Variants in LHFPL3 observed in about 807,000 individuals in gnomAD.
LHFPL3 encodes LHFPL tetraspan subfamily member 3.
A neutral mutation model predicts 19.3 loss-of-function variants in LHFPL3; 5 were observed. That is an observed-to-expected ratio of 0.26 (90% CI 0.14 to 0.54). The LOEUF is 0.54. Ranked by LOEUF, LHFPL3 falls within the 20% of genes least tolerant of loss-of-function variation. The probability of loss-of-function intolerance (pLI) is 0.94; values close to 1 mark genes in which losing one functional copy is unlikely to be tolerated. For missense variants in LHFPL3, 249 were observed against 307.4 expected, an observed-to-expected ratio of 0.81 and a Z score of 1.42; for synonymous variants, 133 against 126.2, an observed-to-expected ratio of 1.05 and a Z score of -0.36.
intron 2 of LHFPL3, among the ~76,000 whole-genome samples, chr7:104,829,408 C>T (rs1236139502): frequency 2.0e-5 from 3 of 151,508 alleles, no homozygotes; most frequent in African/African-American, 7.3e-5. Context: ...TATACATGTG[C>T]CATGTTGGTG....
At chr7:104,443,249 A>G (rs1436971591) in intron 1 of LHFPL3, among the ~76,000 whole-genome samples, 2 of 152,196 alleles carry the variant, frequency 1.3e-5, no homozygotes, top group Non-Finnish European at 2.9e-5. Context: ...GTGTTATGCA[A>G]TATCAGCATC....
chr7:104,377,631 T>C (rs1174309056), intron 1 of LHFPL3, among the ~76,000 whole-genome samples: 3 of 152,200 alleles, frequency 2.0e-5, no homozygotes, highest in African/African-American at 7.2e-5. Context: ...TACTTGCACC[T>C]GTGAGGAGCT....
chr7:104,426,013 C>T (rs151189118), intron 1 of LHFPL3, among the ~76,000 whole-genome samples: 167 of 152,314 alleles, frequency 1.1e-3, no homozygotes, highest in African/African-American at 3.8e-3. Flanking sequence ...TTGCCTATTC[C>T]TTCTGTTCGC....
chr7:104,578,549 A>G (rs765851924), intron 1 of LHFPL3, among the ~76,000 whole-genome samples: 3 of 152,194 alleles, frequency 2.0e-5, no homozygotes, highest in Non-Finnish European at 4.4e-5. Flanking sequence ...ATTACATTAT[A>G]TTATATCATG....
At chr7:104,607,352 G>A (rs989808866) in intron 1 of LHFPL3, among the ~76,000 whole-genome samples, 1 of 152,198 alleles carries the variant, frequency 6.6e-6, no homozygotes, top group African/African-American at 2.4e-5. Context: ...ACAGAGGACT[G>A]CACAAGTGTG....
intron 1 of LHFPL3, among the ~76,000 whole-genome samples, chr7:104,415,544 A>G (rs1033559066): frequency 2.9e-4 from 44 of 152,210 alleles, no homozygotes; most frequent in Admixed American, 1.2e-3. Context: ...TGAAAAATTA[A>G]TAAACCACAG....
intron 1 of LHFPL3, among the ~76,000 whole-genome samples, chr7:104,618,648 CA>C (rs1194536631): frequency 4.7e-5 from 7 of 148,270 alleles, no homozygotes; most frequent in South Asian, 4.4e-4. Context: ...CTAGATAATC[CA>C]AAAAAAATGT....
intron 1 of LHFPL3, among the ~76,000 whole-genome samples, chr7:104,543,339 T>G (rs1242031173): frequency 1.3e-5 from 2 of 152,082 alleles, no homozygotes; most frequent in Non-Finnish European, 2.9e-5. Flanking sequence ...GTTCAACCAT[T>G]GTGGAAGTCA....
rs74990540 is a variant in LHFPL3 at position 104,643,262 on chromosome 7, G to A, written c.446-93413G>A. Among the ~76,000 whole-genome samples, 679 of 152,212 alleles carry A rather than the reference G, an allele frequency of 4.5e-3. 41 individuals are homozygous for A. In the East Asian group the frequency reaches 0.11, roughly 25 times the overall value. On this transcript the variant is annotated intron_variant, in intron 1 of 2. Transcript: ENST00000424859. ...GCTTTCCTGCAGGAAATAAAAAAGG[G>A]ACATGGTAAATAAAAATTCTGAGCC...
intron 1 of LHFPL3, among the ~76,000 whole-genome samples, chr7:104,630,197 A>G (rs865832439): frequency 6.6e-6 from 1 of 152,228 alleles, no homozygotes; most frequent in Non-Finnish European, 1.5e-5. Flanking sequence ...TGTATATTTT[A>G]TATTGCATGT....
At chr7:104,415,878 A>C (rs1055762321) in intron 1 of LHFPL3, among the ~76,000 whole-genome samples, 1 of 152,194 alleles carries the variant, frequency 6.6e-6, no homozygotes, top group Non-Finnish European at 1.5e-5. Flanking sequence ...GTCACAGAGC[A>C]TGAAGTGTAA....
intron 2 of LHFPL3, among the ~76,000 whole-genome samples, chr7:104,877,812 A>G (rs534415525): frequency 1.3e-5 from 2 of 151,060 alleles, no homozygotes; most frequent in South Asian, 2.1e-4. Flanking sequence ...CCACACAAAA[A>G]CTTGTATGGA....
intron 1 of LHFPL3, among the ~76,000 whole-genome samples, chr7:104,596,574 TC>T (rs1790865165): frequency 6.6e-6 from 1 of 152,192 alleles, no homozygotes; most frequent in Admixed American, 6.5e-5. Flanking sequence ...ACCCCTCTGT[TC>T]CGGTCTATCT....
intron 1 of LHFPL3, among the ~76,000 whole-genome samples, chr7:104,411,044 T>C (rs1456800377): frequency 6.6e-6 from 1 of 152,208 alleles, no homozygotes; most frequent in Admixed American, 6.5e-5. Context: ...GAAAGCACAT[T>C]AACTATGCCC....
At chr7:104,423,594 A>C (rs1286483636) in intron 1 of LHFPL3, among the ~76,000 whole-genome samples, 1 of 152,218 alleles carries the variant, frequency 6.6e-6, no homozygotes, top group African/African-American at 2.4e-5. Context: ...CCAGGAAGTC[A>C]AGGCTGCAGT....
chr7:104,410,979 A>T (rs1791524323), intron 1 of LHFPL3, among the ~76,000 whole-genome samples: 1 of 152,210 alleles, frequency 6.6e-6, no homozygotes, highest in African/African-American at 2.4e-5. Flanking sequence ...GCCCAGCCAG[A>T]CATTATTTTT....
intron 1 of LHFPL3, among the ~76,000 whole-genome samples, chr7:104,614,200 C>T (rs552022211): frequency 6.6e-6 from 1 of 152,262 alleles, no homozygotes; most frequent in African/African-American, 2.4e-5. Flanking sequence ...TGAGGGAGAA[C>T]ATGAGGGCTG....
intron 1 of LHFPL3, among the ~76,000 whole-genome samples, chr7:104,452,625 G>T (rs12112342): frequency 6.6e-6 from 1 of 151,786 alleles, no homozygotes; most frequent in African/African-American, 2.4e-5. Context: ...TGTTAATTAA[G>T]CATTATATCT....
At position 104,354,737 on chromosome 7, in the gene LHFPL3, G is replaced by A. The variant is rs76460959; in HGVS notation, c.445+25513G>A. Among the ~76,000 whole-genome samples the A allele has an allele frequency of 6.6e-3, 1,005 of 152,186 alleles. 70 individuals are homozygous for A. The East Asian group carries it at 0.16, about 24-fold the overall frequency. ...GGTCAGGACCCTGACCATCTCTCTA[G>A]ACTAGCATTGTTCATCTAAAATATT... On this transcript the variant is annotated intron_variant, in intron 1 of 2. Coordinates refer to ENST00000424859, the MANE Select transcript of LHFPL3 (RefSeq NM_199000.3).
Sources: allele counts gnomAD v4.1 joint callset (sites outside exome capture counted in the v4.1 genomes callset), GRCh38; gene constraint gnomAD v4.1.1; transcripts MANE v1.5; gene names NCBI Gene and HGNC (gene_info 2026-07-23, HGNC 2026-07-21).